Variants in TM2D1 observed in about 807,000 individuals in gnomAD.
The protein encoded by TM2D1 is TM2 domain-containing protein 1.
Under a neutral mutation model 28.4 loss-of-function variants are expected in TM2D1, and 15 were observed. That is an observed-to-expected ratio of 0.53 (90% CI 0.35 to 0.81). The LOEUF is 0.81. TM2D1 is among the 40% of genes least tolerant of loss of function. The pLI is 0.01. For missense variants in TM2D1, 236 were observed against 254.9 expected (o/e 0.93, Z 0.50); for synonymous variants, 93 against 96.2 (o/e 0.97, Z 0.20).
chr1:61,717,297 G>A (rs1488634752), intron 2 of TM2D1, among the ~76,000 whole-genome samples: 3 of 151,914 alleles, frequency 2.0e-5, no homozygotes, highest in African/African-American at 7.3e-5. Context: ...GAACCTGGGA[G>A]GCAGAGCTTG....
intron 4 of TM2D1, 100 bp from the exon 5 acceptor site, chr1:61,694,870 A>ATG: frequency 3.6e-6 from 2 of 550,600 alleles, no homozygotes; most frequent in African/African-American, 3.9e-5. Context: ...TATATATCAC[A>ATG]CTCTTTATAT....
chr1:61,683,684 T>C, intron 5 of TM2D1, 138 bp from the exon 6 acceptor site: 1 of 486,220 alleles, frequency 2.1e-6, no homozygotes, highest in Non-Finnish European at 3.6e-6. Flanking sequence ...AATAGGTAAT[T>C]TAGTGGCTCA....
intron 4 of TM2D1, chr1:61,700,115 A>T: frequency 2.7e-6 from 4 of 1,461,772 alleles, no homozygotes; most frequent in Non-Finnish European, 3.6e-6. Context: ...TTTGGGTTCA[A>T]ATTGAGGTCA....
At chr1:61,681,533 C>A (rs1179952518) in intron 6 of TM2D1, among the ~76,000 whole-genome samples, 183 bp from the exon 7 acceptor site, 1 of 152,112 alleles carries the variant, frequency 6.6e-6, no homozygotes, top group Non-Finnish European at 1.5e-5. Context: ...TCTCAATGGG[C>A]CTTTCAGGTT....
rs189924229 is a variant in TM2D1, at chr1:61,716,192, G to T, written c.239-6755C>A. 5.6e-3 allele frequency among the ~76,000 whole-genome samples: 839 copies of T among 151,146 alleles called. 3 individuals are homozygous for T. The highest frequency in any genetic ancestry group is 7.6e-3 in the Non-Finnish European group (513 of 67,844). ...AAATTAGCCAGGCATGGTGGCATGT[G>T]CCTGTAGTCCTAGCTACTCGGGAAG... On this transcript the variant is annotated intron_variant, in intron 2 of 6. Coordinates refer to ENST00000606498, the MANE Select transcript of TM2D1 (RefSeq NM_032027.3).
intron 3 of TM2D1, among the ~76,000 whole-genome samples, chr1:61,708,546 C>T (rs546858109): frequency 3.3e-5 from 5 of 152,276 alleles, no homozygotes; most frequent in African/African-American, 1.2e-4. Context: ...CTGTGTCTGG[C>T]TAGCCAAACT....
At chr1:61,694,337 G>A (rs1335474494) in intron 5 of TM2D1, 1 of 159,586 alleles carries the variant, frequency 6.3e-6, no homozygotes, top group South Asian at 2.0e-4. Flanking sequence ...AAAAGAAACG[G>A]GTTTGAAAAA....
At chr1:61,681,651 G>A (rs1429180720) in intron 6 of TM2D1, among the ~76,000 whole-genome samples, 1 of 152,030 alleles carries the variant, frequency 6.6e-6, no homozygotes, top group African/African-American at 2.4e-5. Context: ...ACACACTATG[G>A]TTTAGAAACA....
intron 3 of TM2D1, among the ~76,000 whole-genome samples, chr1:61,708,053 T>C (rs986384802): frequency 3.9e-5 from 6 of 152,162 alleles, no homozygotes; most frequent in South Asian, 2.1e-4. Context: ...TTAAAAGTCC[T>C]TTTTAAAAAA....
At chr1:61,683,601 CTT>C in intron 5 of TM2D1, 55 bp from the exon 6 acceptor site, 1 of 858,792 alleles carries the variant, frequency 1.2e-6, no homozygotes, top group South Asian at 1.8e-5. Flanking sequence ...TTTCACAGCA[CTT>C]TGTTTACTTT....
At chr1:61,705,398 C>G (rs1644433430) in intron 3 of TM2D1, among the ~76,000 whole-genome samples, 1 of 152,078 alleles carries the variant, frequency 6.6e-6, no homozygotes, top group Admixed American at 6.6e-5. Flanking sequence ...ATTGGCCAGG[C>G]TGGTCTTGAA....
chr1:61,723,333 T>C (rs1226921519), intron 2 of TM2D1, among the ~76,000 whole-genome samples: 1 of 152,182 alleles, frequency 6.6e-6, no homozygotes, highest in Non-Finnish European at 1.5e-5. Context: ...TAAGTATTCA[T>C]AGATGATATA....
intron 3 of TM2D1, among the ~76,000 whole-genome samples, chr1:61,708,286 T>C (rs1466329915): frequency 6.6e-6 from 1 of 152,128 alleles, no homozygotes; most frequent in Non-Finnish European, 1.5e-5. Flanking sequence ...TGGCCTCAAG[T>C]GATTCTCCTG....
chr1:61,685,154 T>G (rs12124430), intron 5 of TM2D1, among the ~76,000 whole-genome samples: 27,007 of 152,172 alleles, frequency 0.18, 3,004 homozygotes, highest in Non-Finnish European at 0.25. Context: ...GATAAAATTC[T>G]GTAGAAGAGG....
chr1:61,691,932 A>AAAT lies in TM2D1; in HGVS notation c.513+2764_513+2765insATT. Among the ~76,000 whole-genome samples the AAAT allele has an allele frequency of 5.1e-3, 387 of 76,364 alleles. 1 individual carries two copies. Among genetic ancestry groups the AAAT allele is most frequent in the African/African-American group, 0.015 (316 of 21,150 alleles). The allele number at this position is 76,364 out of a possible 152,430, so 50.1% of individuals were successfully genotyped here. ...TCTCAAAAAAAACTTAAAAAAAAAA[A>AAAT]ATATATATATATATATATATATATA... is the stretch of plus-strand genomic sequence containing the variant. On this transcript the variant is annotated intron_variant, in intron 5 of 6. Transcript: ENST00000606498.
chr1:61,710,859 G>A (rs113213344), intron 2 of TM2D1, among the ~76,000 whole-genome samples: 1,853 of 151,912 alleles, frequency 0.012, 36 homozygotes, highest in African/African-American at 0.041. Flanking sequence ...CTGAGAAAAC[G>A]ATGGTTAAAA....
At chr1:61,721,052 C>T (rs1151773) in intron 2 of TM2D1, among the ~76,000 whole-genome samples, 34,171 of 151,550 alleles carry the variant, frequency 0.23, 3,940 homozygotes, top group Non-Finnish European at 0.25. Context: ...CATCCCATCG[C>T]TACTCACCCC....
chr1:61,700,019 T>C (rs990876821), intron 4 of TM2D1: 8 of 1,070,220 alleles, frequency 7.5e-6, no homozygotes, highest in Non-Finnish European at 9.8e-6. Flanking sequence ...GGCAGAGCAT[T>C]CAAAAACTTT....
Position 61,682,402 on chromosome 1 carries a change from G to T in TM2D1, c.*19+1015C>A, listed in dbSNP as rs77463165. ...ATATATAGGATTTCTCTATTACAGA[G>T]AATCATTATACCAGGAAATGGTTTT... On this transcript the variant is annotated intron_variant, in intron 6 of 6. Coordinates refer to ENST00000606498, the MANE Select transcript of TM2D1 (RefSeq NM_032027.3). Among the ~76,000 whole-genome samples the T allele has an allele frequency of 2.7e-3, 408 of 152,206 alleles. 2 individuals carry two copies. The highest frequency in any genetic ancestry group is 9.5e-3 in the African/African-American group (395 of 41,524).
Sources: allele counts gnomAD v4.1 joint callset (sites outside exome capture counted in the v4.1 genomes callset), GRCh38; gene constraint gnomAD v4.1.1; transcripts MANE v1.5; gene names NCBI Gene and HGNC (gene_info 2026-07-23, HGNC 2026-07-21).